Variants in TPGS2 observed in about 807,000 individuals in gnomAD.
TPGS2 encodes polyglutamylase subunit 2.
Under a neutral mutation model 31.1 loss-of-function variants are expected in TPGS2, and 26 were observed. That is an observed-to-expected ratio of 0.84 (90% confidence interval 0.61 to 1.16). The LOEUF is 1.16. Ranked by LOEUF, TPGS2 falls within the 50% of genes most tolerant of loss-of-function variation. The pLI, the probability that TPGS2 is intolerant of heterozygous loss-of-function variation, is 0.00. For synonymous variants in TPGS2, 130 were observed against 136.6 expected, an observed-to-expected ratio of 0.95 and a Z score of 0.34; for missense variants, 351 against 363.8, an observed-to-expected ratio of 0.96 and a Z score of 0.29.
At chr18:36,819,032 G>C (rs540534821) in intron 1 of TPGS2, 59 bp from the exon 2 acceptor site, 1 of 1,388,998 alleles carries the variant, frequency 7.2e-7, no homozygotes, top group African/African-American at 1.4e-5. Context: ...ACATTTCTAC[G>C]CTAGTTGTTG....
At chr18:36,791,397 T>C (rs534708849), downstream of TPGS2, among the ~76,000 whole-genome samples, 30 of 152,112 alleles carry the variant, frequency 2.0e-4, no homozygotes, top group Non-Finnish European at 3.5e-4. Context: ...GCACTTCACC[T>C]CAAGGAGGGT....
downstream of TPGS2, among the ~76,000 whole-genome samples, chr18:36,790,541 GA>G (rs1567993126): frequency 6.6e-6 from 1 of 152,162 alleles, no homozygotes. Flanking sequence ...TACACTGTCC[GA>G]TAAGAGTTTT....
rs778400429 is a variant in TPGS2 at position 36,796,992 on chromosome 18, G to A, written c.716C>T (p.Thr239Ile). ...TYNTNLLTEE[T>I]DSFVNKLDPS... ...ATCTAGCTTATTCACAAAGGAGTCG[G>A]TCTCTTCTGTGAGCAGGTTTGTGTT... The change falls in exon 7 of 7, where the codon ACC becomes ATC. Residue 239 changes from threonine (T) to isoleucine (I), a missense_variant. Physicochemically the swap from Thr to Ile is moderately conservative, Grantham distance 89 (BLOSUM62 -1). Coordinates refer to ENST00000334295, the MANE Select transcript of TPGS2 (RefSeq NM_015476.4). 3.1e-6 allele frequency: 5 copies of A among 1,601,954 alleles called. No homozygotes were observed. The African/African-American group carries it at 6.8e-5, about 22-fold the overall frequency.
At chr18:36,812,346 C>T (rs757307933) in intron 2 of TPGS2, among the ~76,000 whole-genome samples, 88 of 152,116 alleles carry the variant, frequency 5.8e-4, no homozygotes, top group Admixed American at 1.4e-3. Context: ...TTCAGCCCCA[C>T]CCCCTGACCT....
chr18:36,814,770 GA>G (rs976096002), intron 2 of TPGS2, among the ~76,000 whole-genome samples: 3 of 152,128 alleles, frequency 2.0e-5, no homozygotes, highest in African/African-American at 7.2e-5. Flanking sequence ...TGTTGCTTTG[GA>G]ATAAAGTGAT....
chr18:36,828,208 A>C (rs1362859200), intron 1 of TPGS2, among the ~76,000 whole-genome samples: 1 of 152,218 alleles, frequency 6.6e-6, no homozygotes, highest in Non-Finnish European at 1.5e-5. Flanking sequence ...ATGTTCGATA[A>C]AAGAAAAACT....
intron 1 of TPGS2, 94 bp downstream of exon 1, chr18:36,828,589 G>A: frequency 7.2e-7 from 1 of 1,380,000 alleles, no homozygotes; most frequent in Non-Finnish European, 1.0e-6. Flanking sequence ...TCCTGTTCTG[G>A]GGCCAGCGTC....
rs760662956 is a variant in TPGS2 at position 36,805,455 on chromosome 18, G to C, written c.301C>G (p.Leu101Val). The C allele has an allele frequency of 5.6e-6, 9 of 1,613,976 alleles. No individual in the cohort carries two copies. The Admixed American group carries it at 1.5e-4, about 27-fold the overall frequency. Residue 101 changes from leucine (L) to valine (V), a missense_variant, in exon 4 of 7, where the codon CTG becomes GTG. Leu to Val is a conservative substitution (Grantham distance 32). Transcript: ENST00000334295. The part of the protein sequence containing the change: ...GSMAINSISK[L>V]TQLTQSSMYS... Reference sequence around the variant, plus strand: ...ATGGAAGACTGGGTGAGCTGAGTCAGTTTTGAGATGCTGTTAATTGCCATG... The same window carrying C: ...ATGGAAGACTGGGTGAGCTGAGTCACTTTTGAGATGCTGTTAATTGCCATG...
intron 2 of TPGS2, among the ~76,000 whole-genome samples, chr18:36,814,652 T>C (rs1215567669): frequency 6.6e-6 from 1 of 152,220 alleles, no homozygotes; most frequent in East Asian, 1.9e-4. Flanking sequence ...AGACTTCTAC[T>C]CCAGTGTGTT....
chr18:36,823,960 A>G, intron 1 of TPGS2: 1 of 694,630 alleles, frequency 1.4e-6, no homozygotes, highest in Non-Finnish European at 1.8e-6. Context: ...GCATACCATA[A>G]TTTATAAAGT....
Position 36,828,934 on chromosome 18 carries a change from G to T in TPGS2, c.-167C>A. The T allele has an allele frequency of 1.0e-6, 1 of 983,364 alleles. No homozygotes were observed. The highest frequency in any genetic ancestry group is 2.8e-5 in the East Asian group (1 of 35,438). 60.9% of individuals were successfully genotyped at this position (983,364 alleles called of 1,614,324 possible). On this transcript the variant is annotated 5_prime_UTR_variant, in exon 1 of 7. Transcript: ENST00000334295. ...GTTGGTCTGACAGCAGCAGCTCCGT[G>T]GGGCGCCGGTTCCCGCGGCCCCGCC...
intron 2 of TPGS2, among the ~76,000 whole-genome samples, chr18:36,809,491 C>G (rs1281807463): frequency 6.6e-6 from 1 of 152,192 alleles, no homozygotes; most frequent in African/African-American, 2.4e-5. Flanking sequence ...AGTACCCAGT[C>G]TCATAAATGT....
chr18:36,796,123 G>T lies in TPGS2; in HGVS notation c.*682C>A. The T allele has an allele frequency of 1.0e-6, 1 of 985,446 alleles. No individual in the cohort carries two copies. The highest frequency in any genetic ancestry group is 4.7e-5 in the South Asian group (1 of 21,288). 61.0% of individuals were successfully genotyped at this position (985,446 alleles called of 1,614,324 possible). A position where few individuals can be genotyped will look rare whatever the true frequency, so the allele number is the denominator to read the frequency against. ...GCTGCAAAAGAAATGAGCAGAGCGAGATATTTGTGGTAAGGGATACAAAGA... is the reference window on the plus strand; with the variant it reads ...GCTGCAAAAGAAATGAGCAGAGCGATATATTTGTGGTAAGGGATACAAAGA... On this transcript the variant is annotated 3_prime_UTR_variant, in exon 7 of 7. Coordinates refer to ENST00000334295, the MANE Select transcript of TPGS2 (RefSeq NM_015476.4).
chr18:36,816,745 A>T (rs962776028), intron 2 of TPGS2, among the ~76,000 whole-genome samples: 1 of 152,176 alleles, frequency 6.6e-6, no homozygotes, highest in African/African-American at 2.4e-5. Flanking sequence ...AGTAGCTGGG[A>T]CTACAGGCGT....
At chr18:36,804,676 T>C (rs1377095301) in intron 4 of TPGS2, among the ~76,000 whole-genome samples, 1 of 152,208 alleles carries the variant, frequency 6.6e-6, no homozygotes, top group Non-Finnish European at 1.5e-5. Flanking sequence ...CTTCCTTTCT[T>C]TCTTAATGAA....
Position 36,800,223 on chromosome 18 carries a change from G to A in TPGS2, c.471C>T (p.Cys157=). The part of the protein sequence containing the change: ...LDSCNGSGKV[C]LVYKSGKPAL... ...CTGGTTTCCCACTTTTGTAGACAAG[G>A]CAAACTTTCCCACTGCCATTGCATG... The change falls in exon 5 of 7, where the codon TGC becomes TGT. Residue 157 remains cysteine, a synonymous_variant. Transcript: ENST00000334295. The A allele has an allele frequency of 1.2e-6, 2 of 1,614,060 alleles. No homozygotes were observed. Among genetic ancestry groups the A allele is most frequent in the Non-Finnish European group, 1.7e-6 (2 of 1,179,966 alleles).
At chr18:36,805,658 A>G (rs569813106) in intron 3 of TPGS2, among the ~76,000 whole-genome samples, 156 bp from the exon 4 acceptor site, 1 of 152,302 alleles carries the variant, frequency 6.6e-6, no homozygotes, top group East Asian at 1.9e-4. Flanking sequence ...TACTCACTGC[A>G]TATTCCAAAG....
At chr18:36,807,086 G>A (rs986343614) in intron 3 of TPGS2, among the ~76,000 whole-genome samples, 33 of 152,010 alleles carry the variant, frequency 2.2e-4, no homozygotes, top group African/African-American at 8.0e-4. Flanking sequence ...TCTGGTTGGA[G>A]TCAGAGACAA....
chr18:36,808,664 T>C (rs1287106433), intron 2 of TPGS2, among the ~76,000 whole-genome samples: 1 of 151,890 alleles, frequency 6.6e-6, no homozygotes, highest in Admixed American at 6.6e-5. Flanking sequence ...GAAGAGTATA[T>C]CATTTCCAGA....
Sources: gnomAD v4.1 joint callset for allele counts (sites outside exome capture counted in the v4.1 genomes callset) on GRCh38, gnomAD v4.1.1 for gene constraint, MANE v1.5 for transcripts, NCBI Gene and HGNC (gene_info 2026-07-23, HGNC 2026-07-21) for gene names.